Variants in WAC observed in about 807,000 individuals in gnomAD.
WAC encodes WW domain-containing adapter protein with coiled-coil.
In WAC, 11 loss-of-function variants were observed where a neutral mutation model predicts 79.6. The observed-to-expected ratio is 0.14, with a 90% CI of 0.09 to 0.23. The LOEUF (loss-of-function observed/expected upper bound fraction) is 0.23. Among genes scored for constraint, WAC ranks in the 10% least tolerant of loss-of-function variants. The probability of loss-of-function intolerance (pLI) is 1.00; values close to 1 mark genes in which losing one functional copy is unlikely to be tolerated. For missense variants in WAC, 728 were observed against 773.5 expected (o/e 0.94, Z 0.70); for synonymous variants, 304 against 276.9 (o/e 1.10, Z -0.97).
chr10:28,544,581 G>C (rs1589131538), intron 3 of WAC, among the ~76,000 whole-genome samples: 1 of 152,176 alleles, frequency 6.6e-6, no homozygotes, highest in Admixed American at 6.5e-5. Context: ...TTTAGTGTCA[G>C]ATTAGCAACC....
rs763299121 is a variant in WAC at position 28,590,737 on chromosome 10, A to C, written c.515A>C (p.Glu172Ala). ...ATTTTTAGAGAACAGAGACAAAAAGAAGCAAACAAGATGGCAGTCAACAGC... is the reference window on the plus strand; with the variant it reads ...ATTTTTAGAGAACAGAGACAAAAAGCAGCAAACAAGATGGCAGTCAACAGC... ...EWLEREQRQKEANKMAVNSFP... is the reference protein window; with the variant it reads ...EWLEREQRQKAANKMAVNSFP... Residue 172 changes from glutamate to alanine, a missense_variant, in exon 6 of 14, where the codon GAA becomes GCA. Transcript: ENST00000354911. 1.0e-5 allele frequency: 16 copies of C among 1,606,434 alleles called. No individual in the cohort carries two copies. The African/African-American group carries it at 1.7e-4, about 18-fold the overall frequency.
At chr10:28,565,153 T>C (rs116164697) in intron 3 of WAC, among the ~76,000 whole-genome samples, 2,922 of 152,318 alleles carry the variant, frequency 0.019, 77 homozygotes, top group African/African-American at 0.055. Flanking sequence ...CAAGTTGTTA[T>C]ATGTTCCTGT....
intron 3 of WAC, among the ~76,000 whole-genome samples, chr10:28,571,419 A>G (rs1484641255): frequency 6.6e-6 from 1 of 152,210 alleles, no homozygotes; most frequent in African/African-American, 2.4e-5. Flanking sequence ...CACATCTGTT[A>G]CATCGCAGGT....
chr10:28,618,164 T>C (rs2132875098), intron 13 of WAC: 2 of 159,772 alleles, frequency 1.3e-5, no homozygotes, highest in South Asian at 3.4e-4. Context: ...AAAGAATTTG[T>C]CTAGCAAGTT....
At position 28,608,379 on chromosome 10, in the gene WAC, A is replaced by C; in HGVS notation, c.1113A>C (p.Gln371His). ...NLLRQLLPALQATLQLNNSNV... is the reference protein window; with the variant it reads ...NLLRQLLPALHATLQLNNSNV... ...TTAGACAATTGCTTCCTGCTTTGCA[A>C]GCCACGCTGCAGCTTAATAATTCTA... The change falls in exon 8 of 14, where the codon CAA (glutamine) becomes CAC (histidine). Residue 371 changes from glutamine to histidine, a missense_variant. By Grantham distance (24) the Gln-to-His change is conservative. Around this residue, in one of 3 missense-constraint regions of WAC, gnomAD observed 648 missense variants for 661.5 expected, o/e 0.98. Coordinates refer to ENST00000354911, the MANE Select transcript of WAC (RefSeq NM_016628.5). The C allele has an allele frequency of 6.2e-7, 1 of 1,613,582 alleles. No homozygotes were observed. The highest frequency in any genetic ancestry group is 8.5e-7 in the Non-Finnish European group (1 of 1,179,692).
In WAC at chr10:28,606,133, C is replaced by T. The variant is rs528063299; in HGVS notation, c.920-2053C>T. ...GTGGCTGAATCACGGCTTAATGCAGCCACGACTTCGTGGCTCAGGTGGTTC... is the reference window on the plus strand; with the variant it reads ...GTGGCTGAATCACGGCTTAATGCAGTCACGACTTCGTGGCTCAGGTGGTTC... On this transcript the variant is annotated intron_variant, in intron 7 of 13. Coordinates refer to ENST00000354911, the MANE Select transcript of WAC (RefSeq NM_016628.5). 3.9e-5 allele frequency among the ~76,000 whole-genome samples: 6 copies of T among 152,104 alleles called. No homozygotes were observed. The East Asian group carries it at 1.2e-3, about 29-fold the overall frequency.
chr10:28,541,710 A>G (rs1837063104), intron 3 of WAC, among the ~76,000 whole-genome samples: 1 of 152,014 alleles, frequency 6.6e-6, no homozygotes, highest in Non-Finnish European at 1.5e-5. Flanking sequence ...ATTATAAAGT[A>G]TTTAGCCTAC....
chr10:28,577,811 T>C (rs1162647210), intron 3 of WAC, among the ~76,000 whole-genome samples: 1 of 152,200 alleles, frequency 6.6e-6, no homozygotes, highest in Non-Finnish European at 1.5e-5. Flanking sequence ...TGTTTCCCAA[T>C]GTGTGGCCTG....
chr10:28,544,206 G>A (rs1837228586), intron 3 of WAC, among the ~76,000 whole-genome samples: 1 of 152,104 alleles, frequency 6.6e-6, no homozygotes, highest in Admixed American at 6.6e-5. Flanking sequence ...TTGTAAAATT[G>A]TTTCGCATTG....
rs183083510 is a variant in WAC at position 28,595,842 on chromosome 10, C to G, written c.720C>G (p.His240Gln). The G allele has an allele frequency of 7.4e-6, 12 of 1,614,174 alleles. No individual in the cohort carries two copies. The highest frequency in any genetic ancestry group is 1.6e-4 in the Middle Eastern group (1 of 6,062). Residue 240 changes from histidine to glutamine, a missense_variant, in exon 7 of 14, where the codon CAC (histidine) becomes CAG (glutamine). Transcript: ENST00000354911. Reference sequence around the variant, plus strand: ...ACAGACTGCCAAGAGCAGAGACTCACAGTAGTTCTACGCCAGTACAGCACC... The same window carrying G: ...ACAGACTGCCAAGAGCAGAGACTCAGAGTAGTTCTACGCCAGTACAGCACC... The part of the protein sequence containing the change: ...RDYRLPRAET[H>Q]SSSTPVQHPI...
intron 7 of WAC, among the ~76,000 whole-genome samples, chr10:28,603,876 G>T (rs1396387525): frequency 6.8e-6 from 1 of 147,070 alleles, no homozygotes; most frequent in Non-Finnish European, 1.5e-5. Flanking sequence ...AGATCTTGCA[G>T]TTAGCTGAGA....
At chr10:28,596,340 G>C (rs921894497) in intron 7 of WAC, among the ~76,000 whole-genome samples, 31 of 152,082 alleles carry the variant, frequency 2.0e-4, no homozygotes, top group Non-Finnish European at 4.4e-5. Context: ...TCAATTTTCT[G>C]TTTTTGTGAT....
At chr10:28,557,553 G>T (rs1838061829) in intron 3 of WAC, among the ~76,000 whole-genome samples, 1 of 152,066 alleles carries the variant, frequency 6.6e-6, no homozygotes, top group African/African-American at 2.4e-5. Context: ...AATCAGCTGG[G>T]TGTGGTGGTG....
At chr10:28,580,131 A>G (rs374213338) in intron 3 of WAC, among the ~76,000 whole-genome samples, 2 of 152,150 alleles carry the variant, frequency 1.3e-5, no homozygotes, top group African/African-American at 2.4e-5. Flanking sequence ...TTCCCCATCA[A>G]CAACTGATTC....
chr10:28,606,836 A>G (rs911417690), intron 7 of WAC, among the ~76,000 whole-genome samples: 3 of 152,296 alleles, frequency 2.0e-5, no homozygotes, highest in East Asian at 1.9e-4. Flanking sequence ...CGTATCTTCA[A>G]CTTTTCTAAA....
At position 28,602,568 on chromosome 10, in the gene WAC, G is replaced by A. The variant is rs377244981; in HGVS notation, c.920-5618G>A. 2.6e-5 allele frequency among the ~76,000 whole-genome samples: 4 copies of A among 152,108 alleles called. No homozygotes were observed. The East Asian group carries it at 7.7e-4, about 29-fold the overall frequency. ...TGAGTTTCATGTGTCCCCATGTCCT[G>A]CTCAGTATTACAGCAACTGTCAAAA... On this transcript the variant is annotated intron_variant, in intron 7 of 13. Transcript: ENST00000354911.
At chr10:28,552,495 T>C (rs892719079) in intron 3 of WAC, among the ~76,000 whole-genome samples, 1 of 152,012 alleles carries the variant, frequency 6.6e-6, no homozygotes, top group African/African-American at 2.4e-5. Context: ...ATAGAGGGCT[T>C]GTGTTTTGTG....
At chr10:28,618,926 T>C (rs1291601716) in intron 13 of WAC, among the ~76,000 whole-genome samples, 2 of 152,240 alleles carry the variant, frequency 1.3e-5, no homozygotes, top group Non-Finnish European at 2.9e-5. Context: ...TTTATTGTGA[T>C]GATACGGTTT....
chr10:28,591,806 G>A (rs894032364), intron 6 of WAC: 2 of 136,572 alleles, frequency 1.5e-5, no homozygotes, highest in African/African-American at 5.4e-5. Flanking sequence ...CTGCACTCTA[G>A]CCTGGCAACA....
Sources: gnomAD v4.1 joint callset for allele counts (sites outside exome capture counted in the v4.1 genomes callset) on GRCh38, gnomAD v4.1.1 for gene constraint, gnomAD v4.1.1 regional missense constraint, MANE v1.5 for transcripts, NCBI Gene and HGNC (gene_info 2026-07-23, HGNC 2026-07-21) for gene names.